The following DDX39B variants were observed in gnomAD, a reference collection of about 807,000 sequenced individuals.
DDX39B encodes spliceosome RNA helicase DDX39B.
DDX39B carries 6 observed loss-of-function variants against 46.4 expected under a neutral mutation model. The ratio of observed to expected loss-of-function variants is 0.13; its 90% confidence interval spans 0.07 to 0.26. The LOEUF (loss-of-function observed/expected upper bound fraction) is 0.26, where lower values mean the gene tolerates loss of function less well. Among genes scored for constraint, DDX39B ranks in the 10% least tolerant of loss-of-function variants. The pLI is 1.00. For missense variants in DDX39B, 185 were observed against 553.4 expected (o/e 0.33, Z 6.68); for synonymous variants, 174 against 199.4 (o/e 0.87, Z 1.07).
rs1043589551 is a variant in DDX39B at position 31,536,803 on chromosome 6, T to G, written c.433-120A>C. On this transcript the variant is annotated intron_variant, in intron 4 of 10. Transcript: ENST00000396172. ...GCATGTTTCCAAACTAAAACTAACT[T>G]TAGAGGGCACCTAATTTAAAAATTT... 9 of 1,310,266 alleles carry G rather than the reference T, an allele frequency of 6.9e-6. No homozygotes were observed. In the African/African-American group the frequency reaches 1.3e-4, roughly 19 times the overall value. The allele number at this position is 1,310,266 out of a possible 1,614,324, so 81.2% of individuals were successfully genotyped here. A position where few individuals can be genotyped will look rare whatever the true frequency, so the allele number is the denominator to read the frequency against.
chr6:31,540,104 C>A (rs114122577), intron 2 of DDX39B, among the ~76,000 whole-genome samples: 2,353 of 152,282 alleles, frequency 0.015, 28 homozygotes, highest in Middle Eastern at 0.095. Flanking sequence ...AGGAGTCTCG[C>A]TGTGTTGCCC....
At position 31,531,720 on chromosome 6, in the gene DDX39B, G is replaced by A; in HGVS notation, c.868-315C>T. On this transcript the variant is annotated intron_variant, in intron 7 of 10. Coordinates refer to ENST00000396172, the MANE Select transcript of DDX39B (RefSeq NM_004640.7). The surrounding 1 kb of genome is among the most constrained non-coding windows in gnomAD (Gnocchi z 5.8). ...AAAACTAGAATTAAGATCTGGAGGG[G>A]TAACTGATATTCCTGCTCACCAAAA... The A allele has an allele frequency of 2.7e-6, 1 of 364,340 alleles. No homozygotes were observed. The highest frequency in any genetic ancestry group is 5.0e-6 in the Non-Finnish European group (1 of 201,078). The allele number at this position is 364,340 out of a possible 1,614,324, so 22.6% of individuals were successfully genotyped here.
In DDX39B at chr6:31,536,531, C is replaced by T; in HGVS notation, c.585G>A (p.Leu195=). The part of the protein sequence containing the change: ...LNLKHIKHFI[L]DECDKMLEQL... Reference sequence around the variant, plus strand: ...GTTCAAGCATCTTATCACATTCATCCAAAATAAAGTGTTTAATGTGTTTGA... The same window carrying T: ...GTTCAAGCATCTTATCACATTCATCTAAAATAAAGTGTTTAATGTGTTTGA... The change falls in exon 5 of 11, where the codon TTG becomes TTA. Residue 195 remains leucine (L), a synonymous_variant. Transcript: ENST00000396172. 1 of 1,613,220 alleles carries T rather than the reference C, an allele frequency of 6.2e-7. No homozygotes were observed. Among genetic ancestry groups the T allele is most frequent in the Non-Finnish European group, 8.5e-7 (1 of 1,180,034 alleles).
intron 1 of DDX39B, chr6:31,541,711 G>C (rs1289189213): frequency 3.5e-6 from 2 of 566,034 alleles, no homozygotes; most frequent in Non-Finnish European, 6.9e-6. Context: ...TGGAAGAAGG[G>C]AGCAAAACGA....
At chr6:31,538,008 C>T (rs1767977906) in intron 4 of DDX39B, among the ~76,000 whole-genome samples, 1 of 151,958 alleles carries the variant, frequency 6.6e-6, no homozygotes, top group South Asian at 2.1e-4. Flanking sequence ...ACACTCACAG[C>T]CTGAGGGACA....
At chr6:31,539,072 T>C (rs750862925) in intron 3 of DDX39B, 75 bp downstream of exon 3, 33 of 1,612,146 alleles carry the variant, frequency 2.0e-5, no homozygotes, top group East Asian at 2.2e-5. Flanking sequence ...GCAAGCATCA[T>C]GTAGCTAGGA....
intron 7 of DDX39B, chr6:31,532,545 T>C: frequency 2.3e-6 from 1 of 441,326 alleles, no homozygotes; most frequent in African/African-American, 2.0e-5. Flanking sequence ...TGGCCAAGGA[T>C]CTTAATTTTT....
chr6:31,541,447 A>C, intron 1 of DDX39B: 1 of 370,970 alleles, frequency 2.7e-6, no homozygotes, highest in Non-Finnish European at 5.5e-6. Context: ...CCTTTTGGAG[A>C]AACATACAAT....
At chr6:31,536,426 T>TGTTTCAAATAAACATCATTTG in intron 5 of DDX39B, 74 bp downstream of exon 5, 1 of 1,602,360 alleles carries the variant, frequency 6.2e-7, no homozygotes, top group Non-Finnish European at 8.5e-7. Context: ...GAGGTGCTCC[T>TGTTTCAAATAAACATCATTTG]GTTTCAAATA....
intron 3 of DDX39B, 46 bp from the exon 4 acceptor site, chr6:31,538,901 A>T (rs1450712184): frequency 6.3e-7 from 1 of 1,584,958 alleles, no homozygotes. Context: ...GTAGCTCTTC[A>T]TTATCCCCTC....
intron 3 of DDX39B, 104 bp from the exon 4 acceptor site, chr6:31,538,959 C>T (rs760677256): frequency 6.7e-7 from 1 of 1,482,562 alleles, no homozygotes; most frequent in East Asian, 2.3e-5. Flanking sequence ...TAATAAATGA[C>T]TTCAATTATG....
In DDX39B at chr6:31,531,261, A is replaced by G; in HGVS notation, c.977+35T>C. On this transcript the variant is annotated intron_variant, in intron 8 of 10. Coordinates refer to ENST00000396172, the MANE Select transcript of DDX39B (RefSeq NM_004640.7). This position sits in a 1 kb window ranked among gnomAD's most constrained non-coding sequence, Gnocchi z 5.8. ...CTTCTCTCAACTGTCTTTTTCTCCC[A>G]AGGACACAAAATATCTTTCCCATCT... is the stretch of plus-strand genomic sequence containing the variant. The G allele has an allele frequency of 6.2e-7, 1 of 1,614,122 alleles. No individual in the cohort carries two copies. The highest frequency in any genetic ancestry group is 8.5e-7 in the Non-Finnish European group (1 of 1,179,996).
At position 31,536,612 on chromosome 6, in the gene DDX39B, G is replaced by A. The variant is rs1220513478; in HGVS notation, c.504C>T (p.Ile168=). ...EEVLKKNCPH[I]VVGTPGRILA... ...GGATACGGCCTGGAGTCCCCACGAC[G>A]ATATGCGGGCAGTTCTTCTTCAGCA... The change falls in exon 5 of 11, where the codon ATC becomes ATT. Residue 168 remains isoleucine, a synonymous_variant. Transcript: ENST00000396172. The A allele has an allele frequency of 5.6e-6, 9 of 1,613,104 alleles. No homozygotes were observed. Among genetic ancestry groups the A allele is most frequent in the Middle Eastern group, 1.6e-4 (1 of 6,084 alleles).
chr6:31,539,364 T>C, intron 2 of DDX39B, 90 bp from the exon 3 acceptor site: 1 of 1,537,700 alleles, frequency 6.5e-7, no homozygotes, highest in Non-Finnish European at 8.8e-7. Context: ...TTCTTACCAC[T>C]CAATTCTCAA....
rs577149372 is a variant in DDX39B at position 31,534,514 on chromosome 6, TA to T, written c.735+852del. ...TCCTATGTCCCTCTCCTCTGAGTAT[TA>T]AAAAAAACAAAAAAATTTTTTTAAG... On this transcript the variant is annotated intron_variant, in intron 6 of 10. Transcript: ENST00000396172. The surrounding 1 kb of genome is among the most constrained non-coding windows in gnomAD (Gnocchi z 5.1). 11 of 469,074 alleles carry T rather than the reference TA, an allele frequency of 2.3e-5. No individual in the cohort carries two copies. The highest frequency in any genetic ancestry group is 1.8e-4 in the African/African-American group (9 of 49,590). 29.1% of individuals were successfully genotyped at this position (469,074 alleles called of 1,614,324 possible).
At chr6:31,539,937 A>G (rs1474440656) in intron 2 of DDX39B, among the ~76,000 whole-genome samples, 1 of 152,082 alleles carries the variant, frequency 6.6e-6, no homozygotes, top group East Asian at 1.9e-4. Flanking sequence ...AAGAAAGAAT[A>G]AGCCTGTATA....
In DDX39B at chr6:31,535,023, G is replaced by A. The variant is rs952571801; in HGVS notation, c.735+344C>T. On this transcript the variant is annotated intron_variant, in intron 6 of 10. Coordinates refer to ENST00000396172, the MANE Select transcript of DDX39B (RefSeq NM_004640.7). This position sits in a 1 kb window ranked among gnomAD's most constrained non-coding sequence, Gnocchi z 4.6. ...GCCACCTTGAGGGTGCGTGGCTGTA[G>A]GGTGCATGTAAGAGACGATGGATGG... The A allele has an allele frequency of 1.3e-5, 5 of 374,432 alleles. No homozygotes were observed. The highest frequency in any genetic ancestry group is 2.5e-5 in the Non-Finnish European group (5 of 196,840). The allele number at this position is 374,432 out of a possible 1,614,324, so 23.2% of individuals were successfully genotyped here. A position where few individuals can be genotyped will look rare whatever the true frequency, so the allele number is the denominator to read the frequency against.
rs1250292239 is a variant in DDX39B, at chr6:31,534,852, C to A, written c.735+515G>T. ...GGGATTGAGGTGCCAAAGGCCCCCA[C>A]CCCTGGAGGTGGGGAAGGGGAGGAT... On this transcript the variant is annotated intron_variant, in intron 6 of 10. Transcript: ENST00000396172. The surrounding 1 kb of genome is among the most constrained non-coding windows in gnomAD (Gnocchi z 5.1). 2.3e-5 allele frequency: 6 copies of A among 264,586 alleles called. No individual in the cohort carries two copies. The highest frequency in any genetic ancestry group is 1.3e-4 in the African/African-American group (6 of 45,052). 16.4% of individuals were successfully genotyped at this position (264,586 alleles called of 1,614,324 possible). A position where few individuals can be genotyped will look rare whatever the true frequency, so the allele number is the denominator to read the frequency against.
rs1248579937 is a variant in DDX39B, at chr6:31,536,638, C to T, written c.478G>A (p.Val160Met). 1.2e-6 allele frequency: 2 copies of T among 1,613,140 alleles called. No individual in the cohort carries two copies. The highest frequency in any genetic ancestry group is 2.2e-5 in the East Asian group (1 of 44,878). Residue 160 changes from valine to methionine, a missense_variant, in exon 5 of 11, where the codon GTG (valine) becomes ATG (methionine). By Grantham distance (21) the Val-to-Met change is conservative. Coordinates refer to ENST00000396172, the MANE Select transcript of DDX39B (RefSeq NM_004640.7). ...GGLSIKKDEE[V>M]LKKNCPHIVV... ...ATATGCGGGCAGTTCTTCTTCAGCA[C>T]CTCTTCATCCTTCTTGATAGACAGA... is the stretch of plus-strand genomic sequence containing the variant.
Sources: allele counts gnomAD v4.1 joint callset (sites outside exome capture counted in the v4.1 genomes callset), GRCh38; gene constraint gnomAD v4.1.1; non-coding constraint Gnocchi (gnomAD v3.1); transcripts MANE v1.5; gene names NCBI Gene and HGNC (gene_info 2026-07-23, HGNC 2026-07-21).